The following RAPGEF4 variants were observed in gnomAD, a reference collection of about 807,000 sequenced individuals.
The protein encoded by RAPGEF4 is RAP guanine-nucleotide-exchange factor (GEF) 4.
A neutral mutation model predicts 147.9 loss-of-function variants in RAPGEF4; 66 were observed. The observed-to-expected ratio is 0.45, with a 90% CI of 0.37 to 0.55. The LOEUF (loss-of-function observed/expected upper bound fraction) is 0.55, where lower values mean the gene tolerates loss of function less well. RAPGEF4 is among the 20% of genes least tolerant of loss of function. The pLI is 0.00. For missense variants in RAPGEF4, 1,071 were observed against 1,257.3 expected, an observed-to-expected ratio of 0.85 and a Z score of 2.24; for synonymous variants, 419 against 442.7, an observed-to-expected ratio of 0.95 and a Z score of 0.67.
At chr2:172,743,715 C>T (rs962328635) in intron 1 of RAPGEF4, among the ~76,000 whole-genome samples, 1 of 152,180 alleles carries the variant, frequency 6.6e-6, no homozygotes, top group African/African-American at 2.4e-5. Flanking sequence ...AGGAGGCTTC[C>T]AGGGAAGCTC....
chr2:172,743,364 C>T (rs773794938), intron 1 of RAPGEF4, among the ~76,000 whole-genome samples: 8 of 152,256 alleles, frequency 5.3e-5, no homozygotes, highest in Non-Finnish European at 7.4e-5. Context: ...CGTGTGCACC[C>T]TCTTGCTTCC....
intron 7 of RAPGEF4, 141 bp downstream of exon 7, chr2:172,960,954 C>A: frequency 1.2e-6 from 1 of 863,908 alleles, no homozygotes; most frequent in Non-Finnish European, 1.8e-6. Flanking sequence ...TTTCAGTTCT[C>A]AACATAAACC....
chr2:172,760,096 G>A (rs1258916909), intron 1 of RAPGEF4, among the ~76,000 whole-genome samples: 1 of 152,154 alleles, frequency 6.6e-6, no homozygotes, highest in African/African-American at 2.4e-5. Context: ...AAGGAAAATA[G>A]AATCCCAGAG....
At chr2:172,992,611 G>T (rs2105746672) in intron 15 of RAPGEF4, among the ~76,000 whole-genome samples, 1 of 152,310 alleles carries the variant, frequency 6.6e-6, no homozygotes, top group South Asian at 2.1e-4. Flanking sequence ...TTCATTCAGG[G>T]TGTTCTCCAA....
chr2:172,912,318 G>GCAAAAA (rs1683518901), intron 4 of RAPGEF4, among the ~76,000 whole-genome samples: 1 of 152,190 alleles, frequency 6.6e-6, no homozygotes, highest in Non-Finnish European at 1.5e-5. Flanking sequence ...CCATACCCAT[G>GCAAAAA]TGCATCTTTG....
intron 4 of RAPGEF4, among the ~76,000 whole-genome samples, chr2:172,873,667 G>C (rs1695509339): frequency 6.6e-6 from 1 of 152,088 alleles, no homozygotes; most frequent in African/African-American, 2.4e-5. Context: ...AACACCAAAA[G>C]CAATGGCAAC....
At chr2:172,984,766 G>A (rs1022451144) in intron 11 of RAPGEF4, among the ~76,000 whole-genome samples, 1 of 152,248 alleles carries the variant, frequency 6.6e-6, no homozygotes, top group Admixed American at 6.5e-5. Flanking sequence ...AGCATGTCCC[G>A]ATCCGACTTC....
intron 4 of RAPGEF4, among the ~76,000 whole-genome samples, chr2:172,862,331 CAGAG>C (rs1252763394): frequency 6.6e-6 from 1 of 152,102 alleles, no homozygotes. Context: ...AAGGAAGTGT[CAGAG>C]AGAGCATTTT....
At chr2:173,014,666 G>T (rs1340314539) in intron 18 of RAPGEF4, 52 bp downstream of exon 18, 2 of 1,560,878 alleles carry the variant, frequency 1.3e-6, no homozygotes, top group African/African-American at 2.7e-5. Flanking sequence ...GCAATACAGG[G>T]ACCTACTTAT....
intron 4 of RAPGEF4, among the ~76,000 whole-genome samples, chr2:172,823,393 G>T (rs547893121): frequency 2.0e-5 from 3 of 152,302 alleles, no homozygotes; most frequent in African/African-American, 7.2e-5. Context: ...CCAAATGTCT[G>T]GGTTTGTTTT....
At chr2:172,753,875 TACACAC>T (rs58877556) in intron 1 of RAPGEF4, among the ~76,000 whole-genome samples, 5 of 146,470 alleles carry the variant, frequency 3.4e-5, no homozygotes, top group African/African-American at 5.0e-5. Flanking sequence ...ACAGTGTATG[TACACAC>T]ACACACACAC....
chr2:172,995,373 G>A (rs1403381761), intron 15 of RAPGEF4, among the ~76,000 whole-genome samples: 2 of 151,710 alleles, frequency 1.3e-5, no homozygotes, highest in African/African-American at 2.4e-5. Context: ...TCCGCCTCCC[G>A]GGTTCAAGCA....
At chr2:172,839,980 C>A (rs761339140) in intron 4 of RAPGEF4, among the ~76,000 whole-genome samples, 1 of 152,122 alleles carries the variant, frequency 6.6e-6, no homozygotes, top group Non-Finnish European at 1.5e-5. Context: ...GTGAAATGAT[C>A]AATATCATAT....
chr2:172,991,658 C>T (rs1345145366), intron 15 of RAPGEF4, among the ~76,000 whole-genome samples: 1 of 152,110 alleles, frequency 6.6e-6, no homozygotes, highest in African/African-American at 2.4e-5. Context: ...GATTAATTTT[C>T]AATCTTAGTG....
rs762843790 is a variant in RAPGEF4, at chr2:172,965,572, G to A, written c.709G>A (p.Val237Met). Residue 237 changes from valine to methionine, a missense_variant, in exon 9 of 31, where the codon GTG becomes ATG. By Grantham distance (21) the Val-to-Met change is conservative. Coordinates refer to ENST00000397081, the MANE Select transcript of RAPGEF4 (RefSeq NM_007023.4). ...YHLKTYRQCC[V>M]GTELVDWMMQ... The stretch of plus-strand genomic sequence containing the variant: ...CTCACCTCTCCTTAGACAATGCTGT[G>A]TGGGAACTGAACTGGTGGACTGGAT... 7 of 1,613,674 alleles carry A rather than the reference G, an allele frequency of 4.3e-6. No individual in the cohort carries two copies. The highest frequency in any genetic ancestry group is 5.9e-6 in the Non-Finnish European group (7 of 1,179,604).
At chr2:172,883,397 T>C (rs1696837287) in intron 4 of RAPGEF4, among the ~76,000 whole-genome samples, 1 of 152,090 alleles carries the variant, frequency 6.6e-6, no homozygotes. Context: ...ATTCATGAGG[T>C]GGAGCCCTCA....
intron 4 of RAPGEF4, among the ~76,000 whole-genome samples, chr2:172,877,998 C>A (rs1436627960): frequency 6.6e-6 from 1 of 152,208 alleles, no homozygotes; most frequent in Non-Finnish European, 1.5e-5. Context: ...TCTGTGACCC[C>A]TCCGTGACTC....
chr2:172,900,247 ATTG>A (rs1462405115), intron 4 of RAPGEF4, among the ~76,000 whole-genome samples: 1 of 152,248 alleles, frequency 6.6e-6, no homozygotes, highest in Non-Finnish European at 1.5e-5. Flanking sequence ...GGTTGCTGTT[ATTG>A]TTGTTTAGAG....
At chr2:173,005,989 A>G (rs1694444782) in intron 17 of RAPGEF4, among the ~76,000 whole-genome samples, 1 of 152,092 alleles carries the variant, frequency 6.6e-6, no homozygotes, top group Admixed American at 6.5e-5. Context: ...TATTCTAGCC[A>G]CTCGTAGTAA....
Sources: gnomAD v4.1 joint callset for allele counts (sites outside exome capture counted in the v4.1 genomes callset) on GRCh38, gnomAD v4.1.1 for gene constraint, MANE v1.5 for transcripts, NCBI Gene and HGNC (gene_info 2026-07-23, HGNC 2026-07-21) for gene names.